TRPC7: variants seen among roughly 807,000 people sequenced by gnomAD.
TRPC7 encodes the protein short transient receptor potential channel 7.
A neutral mutation model predicts 90.1 loss-of-function variants in TRPC7; 42 were observed. The observed-to-expected ratio is 0.47, with a 90% CI of 0.36 to 0.60. The LOEUF (loss-of-function observed/expected upper bound fraction) is 0.60. Among genes scored for constraint, TRPC7 ranks in the 20% least tolerant of loss-of-function variants. The probability of loss-of-function intolerance (pLI) is 0.00; values close to 1 mark genes in which losing one functional copy is unlikely to be tolerated. For missense variants in TRPC7, 955 were observed against 1,112.3 expected (o/e 0.86, Z 2.01); for synonymous variants, 451 against 436.3 (o/e 1.03, Z -0.42).
At chr5:136,352,111 G>A (rs6596301) in intron 2 of TRPC7, among the ~76,000 whole-genome samples, 3,435 of 152,186 alleles carry the variant, frequency 0.023, 139 homozygotes, top group African/African-American at 0.078. Flanking sequence ...ACTGCAATAC[G>A]GTGTTTGTGG....
rs76659687 is a variant in TRPC7, at chr5:136,277,718, T to G, written c.964-2881A>C. On this transcript the variant is annotated intron_variant, in intron 3 of 11. Transcript: ENST00000513104. ...ATGGAAGAAAAGCTTATAGCTAGAATAGAATAGGAACTCAGAAAATTGGTG... is the reference window on the plus strand; with the variant it reads ...ATGGAAGAAAAGCTTATAGCTAGAAGAGAATAGGAACTCAGAAAATTGGTG... Among the ~76,000 whole-genome samples, 1,023 of 152,286 alleles carry G rather than the reference T, an allele frequency of 6.7e-3. 12 individuals are homozygous for G. The highest frequency in any genetic ancestry group is 0.023 in the African/African-American group (962 of 41,554).
intron 10 of TRPC7, among the ~76,000 whole-genome samples, chr5:136,218,003 G>A (rs1755326727): frequency 7.5e-6 from 1 of 134,218 alleles, no homozygotes; most frequent in Admixed American, 7.7e-5. Flanking sequence ...GGGCAACAGA[G>A]CAAGACTCTA....
intron 7 of TRPC7, among the ~76,000 whole-genome samples, chr5:136,243,552 C>T (rs1447862652): frequency 1.3e-5 from 2 of 152,108 alleles, no homozygotes; most frequent in Non-Finnish European, 2.9e-5. Context: ...TGGGGATGGG[C>T]TGCTCTGGAG....
intron 2 of TRPC7, among the ~76,000 whole-genome samples, chr5:136,331,851 C>T (rs1280270648): frequency 6.6e-6 from 1 of 152,062 alleles, no homozygotes; most frequent in African/African-American, 2.4e-5. Context: ...CCCCAGGTAC[C>T]CACTCTGTGC....
intron 2 of TRPC7, among the ~76,000 whole-genome samples, chr5:136,349,376 G>A (rs1225550033): frequency 2.0e-5 from 3 of 152,186 alleles, no homozygotes; most frequent in Non-Finnish European, 4.4e-5. Flanking sequence ...CTGAATAGAG[G>A]AGGTGCTGAA....
chr5:136,230,378 C>G (rs566902558), intron 8 of TRPC7, among the ~76,000 whole-genome samples: 2 of 152,286 alleles, frequency 1.3e-5, no homozygotes, highest in South Asian at 4.1e-4. Flanking sequence ...TTCTTGTGGA[C>G]CTTTCAGAGG....
intron 2 of TRPC7, among the ~76,000 whole-genome samples, chr5:136,334,869 G>T (rs1759602580): frequency 6.6e-6 from 1 of 152,160 alleles, no homozygotes; most frequent in South Asian, 2.1e-4. Flanking sequence ...TGGTAAGAGG[G>T]TATACTTGGC....
intron 3 of TRPC7, among the ~76,000 whole-genome samples, chr5:136,301,167 C>G (rs1167314175): frequency 6.6e-6 from 1 of 152,006 alleles, no homozygotes; most frequent in Non-Finnish European, 1.5e-5. Context: ...GCTGGGACTA[C>G]AGGCACACAC....
chr5:136,230,578 C>T (rs1755784812), intron 8 of TRPC7, among the ~76,000 whole-genome samples: 1 of 152,188 alleles, frequency 6.6e-6, no homozygotes, highest in Non-Finnish European at 1.5e-5. Flanking sequence ...TAGAATTGCA[C>T]AGCATCCCAT....
At chr5:136,332,527 T>C (rs759595591) in intron 2 of TRPC7, among the ~76,000 whole-genome samples, 1 of 152,068 alleles carries the variant, frequency 6.6e-6, no homozygotes, top group Non-Finnish European at 1.5e-5. Flanking sequence ...TAGGAGGCTA[T>C]TGCAATTACC....
intron 3 of TRPC7, among the ~76,000 whole-genome samples, chr5:136,291,688 C>T (rs562150665): frequency 1.0e-3 from 159 of 152,058 alleles, no homozygotes; most frequent in African/African-American, 3.6e-3. Flanking sequence ...CACACAATAA[C>T]AATGGGAGAC....
At chr5:136,221,115 G>C (rs1284136390) in intron 10 of TRPC7, among the ~76,000 whole-genome samples, 1 of 139,930 alleles carries the variant, frequency 7.1e-6, no homozygotes, top group Non-Finnish European at 1.6e-5. Context: ...GTATGTGTCT[G>C]TGTGTGTGTG....
chr5:136,262,537 C>T (rs1022594302), intron 5 of TRPC7, among the ~76,000 whole-genome samples: 7 of 152,160 alleles, frequency 4.6e-5, no homozygotes, highest in East Asian at 1.9e-4. Flanking sequence ...ATTCAACTTA[C>T]GTCTCTCAAT....
chr5:136,248,412 G>A (rs1172935153), intron 6 of TRPC7, among the ~76,000 whole-genome samples: 1 of 152,220 alleles, frequency 6.6e-6, no homozygotes, highest in Non-Finnish European at 1.5e-5. Flanking sequence ...CACACAGCAG[G>A]TACAGATAAG....
chr5:136,239,364 C>T (rs532160830), intron 7 of TRPC7, among the ~76,000 whole-genome samples: 1 of 152,292 alleles, frequency 6.6e-6, no homozygotes, highest in South Asian at 2.1e-4. Flanking sequence ...GGTGAAACAG[C>T]CTGTGGAGCT....
At chr5:136,291,193 A>C (rs1478252228) in intron 3 of TRPC7, among the ~76,000 whole-genome samples, 4 of 152,248 alleles carry the variant, frequency 2.6e-5, no homozygotes, top group African/African-American at 9.6e-5. Context: ...AAACATGCCA[A>C]ATTGTAAAGA....
intron 11 of TRPC7, chr5:136,213,991 C>A (rs74755145): frequency 0.017 from 3,075 of 185,528 alleles, 81 homozygotes; most frequent in African/African-American, 0.06. Context: ...CAGAGCATTG[C>A]TTTTGATGAT....
At chr5:136,233,956 C>T (rs944198728) in intron 7 of TRPC7, among the ~76,000 whole-genome samples, 1 of 152,162 alleles carries the variant, frequency 6.6e-6, no homozygotes, top group Non-Finnish European at 1.5e-5. Context: ...ACAGGCCTGG[C>T]TTATTAAGCA....
At chr5:136,309,533 G>A (rs934271362) in intron 3 of TRPC7, among the ~76,000 whole-genome samples, 11 of 152,122 alleles carry the variant, frequency 7.2e-5, no homozygotes, top group Admixed American at 2.0e-4. Flanking sequence ...AAATAGCGCC[G>A]GGATTATGCT....
Sources: allele counts gnomAD v4.1 joint callset (sites outside exome capture counted in the v4.1 genomes callset), GRCh38; gene constraint gnomAD v4.1.1; transcripts MANE v1.5; gene names NCBI Gene and HGNC (gene_info 2026-07-23, HGNC 2026-07-21).